NEK9: variants seen among roughly 807,000 people sequenced by gnomAD.
NEK9 encodes NIMA related kinase 9.
In NEK9, 75 loss-of-function variants were observed where a neutral mutation model predicts 123.4. The observed-to-expected ratio is 0.61, with a 90% CI of 0.50 to 0.74. The LOEUF (loss-of-function observed/expected upper bound fraction) is 0.74, where lower values mean the gene tolerates loss of function less well. Ranked by LOEUF, NEK9 falls within the 30% of genes least tolerant of loss-of-function variation. The probability of loss-of-function intolerance (pLI) is 0.00; values close to 1 mark genes in which losing one functional copy is unlikely to be tolerated. For synonymous variants in NEK9, 438 were observed against 458.7 expected, an observed-to-expected ratio of 0.95 and a Z score of 0.58; for missense variants, 952 against 1,214.4, an observed-to-expected ratio of 0.78 and a Z score of 3.21.
At chr14:75,126,418 A>G (rs1158859373) in intron 1 of NEK9, among the ~76,000 whole-genome samples, 1 of 152,222 alleles carries the variant, frequency 6.6e-6, no homozygotes, top group African/African-American at 2.4e-5. Flanking sequence ...AAAAAAAGAA[A>G]AAGATGATTT....
At chr14:75,103,274 G>A (rs765188330) in intron 14 of NEK9, among the ~76,000 whole-genome samples, 6 of 151,256 alleles carry the variant, frequency 4.0e-5, no homozygotes, top group Admixed American at 6.6e-5. Flanking sequence ...AATTACATTC[G>A]ATAAGCCTAA....
At chr14:75,113,254 C>G (rs943609544) in intron 8 of NEK9, 85 bp downstream of exon 8, 2 of 1,034,348 alleles carry the variant, frequency 1.9e-6, no homozygotes, top group Non-Finnish European at 3.0e-6. Context: ...TCAGGAAACA[C>G]TACTCTTTCT....
rs959174609 is a variant in NEK9 at position 75,080,385 on chromosome 14, G to C, written c.*4179C>G. The C allele has an allele frequency of 5.3e-5, 8 of 151,222 alleles. No homozygotes were observed. Among genetic ancestry groups the C allele is most frequent in the Non-Finnish European group, 8.8e-5 (6 of 67,874 alleles). The allele number at this position is 151,222 out of a possible 1,614,324, so 9.4% of individuals were successfully genotyped here. A position where few individuals can be genotyped will look rare whatever the true frequency, so the allele number is the denominator to read the frequency against. ...ATCTTTCATCTTTTAAATTTATCTT[G>C]ATCTGGTCTCTGGGAAGAGATAAGA... On this transcript the variant is annotated 3_prime_UTR_variant, in exon 22 of 22. Coordinates refer to ENST00000238616, the MANE Select transcript of NEK9 (RefSeq NM_033116.6).
In NEK9 at chr14:75,101,725, G is replaced by A. The variant is rs756943209; in HGVS notation, c.1772C>T (p.Ala591Val). 1.2e-6 allele frequency: 2 copies of A among 1,614,078 alleles called. No homozygotes were observed. Among genetic ancestry groups the A allele is most frequent in the South Asian group, 1.1e-5 (1 of 91,078 alleles). ...GATCTTATAAAAGGACAACTGTTTG[G>A]CCAAGGTAAAGGACGTTGTGTAGGG... ...EVPYTTSFTL[A>V]KQLSFYKIRT... The change falls in exon 15 of 22, where the codon GCC becomes GTC. Residue 591 changes from alanine to valine, a missense_variant. Around this residue, in one of 4 missense-constraint regions of NEK9, gnomAD observed 698 missense variants for 875.6 expected, o/e 0.80. Coordinates refer to ENST00000238616, the MANE Select transcript of NEK9 (RefSeq NM_033116.6).
chr14:75,113,716 G>C (rs751866116), intron 7 of NEK9, among the ~76,000 whole-genome samples: 9 of 152,246 alleles, frequency 5.9e-5, no homozygotes, highest in Admixed American at 3.9e-4. Flanking sequence ...CAGAGATTCT[G>C]ATTGAGTTCG....
In NEK9 at chr14:75,117,408, C is replaced by T; in HGVS notation, c.631-82G>A. On this transcript the variant is annotated intron_variant, in intron 5 of 21. Transcript: ENST00000238616. ...CATTTCAACAGCTTAATTAAATTTCCTAGGAACTAGTCATAACAACCATAA... is the reference window on the plus strand; with the variant it reads ...CATTTCAACAGCTTAATTAAATTTCTTAGGAACTAGTCATAACAACCATAA... The T allele has an allele frequency of 2.1e-6, 3 of 1,435,200 alleles. No homozygotes were observed. In the South Asian group the frequency reaches 4.1e-5, roughly 19 times the overall value. 88.9% of individuals were successfully genotyped at this position (1,435,200 alleles called of 1,614,324 possible).
Position 75,088,358 on chromosome 14 carries a change from C to A in NEK9, c.2604+122G>T. The A allele has an allele frequency of 1.1e-5, 10 of 893,022 alleles. No homozygotes were observed. In the South Asian group the frequency reaches 1.7e-4, roughly 15 times the overall value. The allele number at this position is 893,022 out of a possible 1,614,324, so 55.3% of individuals were successfully genotyped here. On this transcript the variant is annotated intron_variant, in intron 20 of 21. Coordinates refer to ENST00000238616, the MANE Select transcript of NEK9 (RefSeq NM_033116.6). ...GAGGCTTTAAGTACTGCTGAATAGA[C>A]AGTATAATGAGTTGATGCAGGGCAG...
At position 75,126,739 on chromosome 14, in the gene NEK9, G is replaced by A. The variant is rs1257931471; in HGVS notation, c.183C>T (p.Gly61=). 1 of 1,489,344 alleles carries A rather than the reference G, an allele frequency of 6.7e-7. No individual in the cohort carries two copies. The highest frequency in any genetic ancestry group is 1.3e-5 in the South Asian group (1 of 77,934). The allele number at this position is 1,489,344 out of a possible 1,614,324, so 92.3% of individuals were successfully genotyped here. The change falls in exon 1 of 22, where the codon GGC becomes GGT. Residue 61 remains glycine, a synonymous_variant. Transcript: ENST00000238616. ...HYIPIRVLGR[G]AFGEATLYRR... ...GGTACAGCGTGGCTTCCCCGAAGGC[G>A]CCGCGGCCCAGGACGCGGATGGGGA...
chr14:75,109,080 T>C (rs1443609793), intron 10 of NEK9, among the ~76,000 whole-genome samples: 1 of 152,226 alleles, frequency 6.6e-6, no homozygotes, highest in East Asian at 1.9e-4. Flanking sequence ...TGGGTCATTT[T>C]GTCAAGACTA....
intron 18 of NEK9, among the ~76,000 whole-genome samples, chr14:75,092,554 A>G (rs1189570534): frequency 6.6e-6 from 1 of 152,272 alleles, no homozygotes; most frequent in Non-Finnish European, 1.5e-5. Context: ...GGCGTCAGCC[A>G]CTGCGCCCGG....
intron 14 of NEK9, among the ~76,000 whole-genome samples, 195 bp downstream of exon 14, chr14:75,103,647 C>CTTAT (rs1389340043): frequency 2.6e-5 from 4 of 152,110 alleles, no homozygotes; most frequent in Admixed American, 1.3e-4. Flanking sequence ...TTAATTTTGC[C>CTTAT]TGTTCTTAAA....
At chr14:75,102,255 CTCATT>C (rs200663367) in intron 14 of NEK9, among the ~76,000 whole-genome samples, 3,345 of 152,306 alleles carry the variant, frequency 0.022, 81 homozygotes, top group African/African-American at 0.055. Context: ...AAAGAATCCT[CTCATT>C]TAAGTTTAAA....
chr14:75,094,210 A>G (rs1026344086), intron 18 of NEK9, among the ~76,000 whole-genome samples: 1 of 152,226 alleles, frequency 6.6e-6, no homozygotes, highest in Admixed American at 6.5e-5. Flanking sequence ...CTGAAGTTCA[A>G]CAAGTCTAGA....
chr14:75,106,686 A>G lies in NEK9; in HGVS notation c.1344T>C (p.Tyr448=), dbSNP rs867332944. The change falls in exon 12 of 22, where the codon TAT becomes TAC. Residue 448 remains tyrosine, a synonymous_variant. Transcript: ENST00000238616. The part of the protein sequence containing the change: ...TVCVTDEGQL[Y]AFGSDYYGCM... ...AGCCATAATAATCTGATCCGAAGGC[A>G]TAGAGCTGACCCTCATCTGCAAAAG... is the stretch of plus-strand genomic sequence containing the variant. The G allele has an allele frequency of 1.6e-5, 26 of 1,613,412 alleles. No homozygotes were observed. In the Middle Eastern group the frequency reaches 4.1e-3, roughly 256 times the overall value.
At chr14:75,106,151 C>G in intron 12 of NEK9, 155 bp from the exon 13 acceptor site, 3 of 682,844 alleles carry the variant, frequency 4.4e-6, no homozygotes, top group Non-Finnish European at 7.8e-6. Flanking sequence ...GTCAGAAGTT[C>G]GAGCGAGACA....
chr14:75,099,049 G>A (rs961611179), intron 16 of NEK9, among the ~76,000 whole-genome samples: 3 of 152,204 alleles, frequency 2.0e-5, no homozygotes, highest in Admixed American at 6.5e-5. Flanking sequence ...TATGGTAACA[G>A]ATCACAATAT....
chr14:75,108,160 T>C (rs1404061459), intron 10 of NEK9, among the ~76,000 whole-genome samples: 1 of 151,830 alleles, frequency 6.6e-6, no homozygotes, highest in African/African-American at 2.4e-5. Flanking sequence ...GTTTCGCTCT[T>C]GTCACCCAGG....
At chr14:75,118,790 T>C (rs371279252) in intron 5 of NEK9, 40 bp downstream of exon 5, 161 of 1,152,792 alleles carry the variant, frequency 1.4e-4, no homozygotes, top group Non-Finnish European at 2.0e-4. Flanking sequence ...TTCACAGTGC[T>C]AGAAAATAAA....
chr14:75,099,103 A>G (rs934083339), intron 16 of NEK9, among the ~76,000 whole-genome samples: 4 of 152,244 alleles, frequency 2.6e-5, no homozygotes, highest in African/African-American at 9.6e-5. Flanking sequence ...GGACCAAAAG[A>G]AAACAAGGAT....
Sources: allele counts gnomAD v4.1 joint callset (sites outside exome capture counted in the v4.1 genomes callset), GRCh38; gene constraint gnomAD v4.1.1; regional missense constraint gnomAD v4.1.1; transcripts MANE v1.5; gene names NCBI Gene and HGNC (gene_info 2026-07-23, HGNC 2026-07-21).